The following TPTE variants were observed in gnomAD, a reference collection of about 807,000 sequenced individuals.
TPTE encodes putative tyrosine-protein phosphatase TPTE.
TPTE carries 59 observed loss-of-function variants against 84.1 expected under a neutral mutation model. The ratio of observed to expected loss-of-function variants is 0.70; its 90% CI spans 0.57 to 0.87. TPTE has a LOEUF of 0.87. TPTE is among the 40% of genes least tolerant of loss of function. The pLI is 0.00. For missense variants in TPTE, 382 were observed against 659.6 expected (o/e 0.58, Z 4.61); for synonymous variants, 130 against 223.5 (o/e 0.58, Z 3.73).
intron 4 of TPTE, chr21:10,540,751 G>A (rs761909925): frequency 1.9e-6 from 1 of 520,388 alleles, no homozygotes; most frequent in Admixed American, 1.9e-5. Flanking sequence ...GAAAAGTGAG[G>A]AGGTGATTGG....
chr21:10,559,122 G>T (rs932624796), intron 8 of TPTE, among the ~76,000 whole-genome samples: 1 of 152,304 alleles, frequency 6.6e-6, no homozygotes, highest in African/African-American at 2.4e-5. Flanking sequence ...AAAGTTTGAT[G>T]ATTTGCCCAG....
intron 2 of TPTE, among the ~76,000 whole-genome samples, chr21:10,525,387 C>G (rs1236459240): frequency 6.6e-6 from 1 of 152,304 alleles, no homozygotes; most frequent in Non-Finnish European, 1.5e-5. Context: ...TCATATGGTC[C>G]TATCTCCAGG....
At chr21:10,560,484 G>A (rs1052331774) in intron 9 of TPTE, among the ~76,000 whole-genome samples, 23 of 152,302 alleles carry the variant, frequency 1.5e-4, no homozygotes, top group Admixed American at 7.2e-4. Flanking sequence ...AGGTACTTTA[G>A]AGTTCAAGAC....
chr21:10,576,044 A>C (rs1255748054), intron 14 of TPTE, among the ~76,000 whole-genome samples: 1 of 152,308 alleles, frequency 6.6e-6, no homozygotes. Context: ...AGAGGCAGAA[A>C]TACCATCAGA....
intron 8 of TPTE, among the ~76,000 whole-genome samples, chr21:10,554,091 C>A (rs1263998865): frequency 6.6e-6 from 1 of 152,266 alleles, no homozygotes; most frequent in Admixed American, 6.5e-5. Flanking sequence ...AGATATGAGA[C>A]CATACTTATT....
At chr21:10,555,397 G>C (rs1373807275) in intron 8 of TPTE, among the ~76,000 whole-genome samples, 1 of 152,310 alleles carries the variant, frequency 6.6e-6, no homozygotes, top group Non-Finnish European at 1.5e-5. Flanking sequence ...TAGTAGAGAT[G>C]GAGTTTCACC....
chr21:10,570,920 T>TCGA (rs112948965), intron 14 of TPTE, among the ~76,000 whole-genome samples: 4,978 of 138,942 alleles, frequency 0.036, no homozygotes, highest in East Asian at 0.11. Context: ...TTGGCTACCC[T>TCGA]CGACTGAAAG....
chr21:10,587,922 C>T (rs1333376952), intron 17 of TPTE, among the ~76,000 whole-genome samples: 2 of 152,310 alleles, frequency 1.3e-5, no homozygotes, highest in African/African-American at 4.8e-5. Context: ...CAATCTCGGT[C>T]ACTGCAACCT....
chr21:10,573,550 T>A (rs1403203364), intron 14 of TPTE, among the ~76,000 whole-genome samples: 1 of 152,312 alleles, frequency 6.6e-6, no homozygotes, highest in Non-Finnish European at 1.5e-5. Context: ...TTATTGTATA[T>A]TTTTAAATAG....
chr21:10,561,603 C>A (rs2338980), intron 10 of TPTE, among the ~76,000 whole-genome samples: 16 of 151,986 alleles, frequency 1.1e-4, no homozygotes, highest in South Asian at 4.2e-4. Context: ...GGCAGTACCC[C>A]CCCCATGTCC....
chr21:10,560,180 T>C (rs1462965887), intron 9 of TPTE, among the ~76,000 whole-genome samples: 1 of 152,300 alleles, frequency 6.6e-6, no homozygotes, highest in African/African-American at 2.4e-5. Context: ...GAAAATCAAA[T>C]GTTAAAATTC....
At chr21:10,563,523 A>G (rs563177002) in intron 10 of TPTE, among the ~76,000 whole-genome samples, 1 of 152,420 alleles carries the variant, frequency 6.6e-6, no homozygotes, top group South Asian at 2.1e-4. Context: ...ACTAAGTTGT[A>G]GAGTTTTTAT....
intron 17 of TPTE, 50 bp from the exon 18 acceptor site, chr21:10,590,412 T>C (rs372121788): frequency 6.2e-7 from 1 of 1,611,184 alleles, no homozygotes; most frequent in Non-Finnish European, 8.5e-7. Context: ...TATTTCTGAG[T>C]GTATTTTTAT....
chr21:10,542,860 TC>T (rs1319792988), intron 6 of TPTE, among the ~76,000 whole-genome samples: 4 of 152,300 alleles, frequency 2.6e-5, no homozygotes, highest in Non-Finnish European at 5.9e-5. Flanking sequence ...ATTTGCTTCT[TC>T]CTGTAATGTA....
chr21:10,524,660 A>C lies in TPTE; in HGVS notation c.-130A>C, dbSNP rs2074047704. On this transcript the variant is annotated 5_prime_UTR_variant, in exon 2 of 24. Coordinates refer to ENST00000618007, the MANE Select transcript of TPTE (RefSeq NM_199261.4). ...CACACCCCAGGCTCTTCTGCCCGGC[A>C]GTGGCTCTGGAAGCAGTCTGGTGTA... is the stretch of plus-strand genomic sequence containing the variant. 1 of 152,898 alleles carries C rather than the reference A, an allele frequency of 6.5e-6. No homozygotes were observed. The highest frequency in any genetic ancestry group is 1.5e-5 in the Non-Finnish European group (1 of 68,532). 9.5% of individuals were successfully genotyped at this position (152,898 alleles called of 1,614,324 possible). A position where few individuals can be genotyped will look rare whatever the true frequency, so the allele number is the denominator to read the frequency against.
intron 3 of TPTE, among the ~76,000 whole-genome samples, chr21:10,536,254 G>A (rs1209791200): frequency 3.3e-5 from 5 of 152,412 alleles, no homozygotes; most frequent in South Asian, 2.1e-4. Flanking sequence ...CTCCAGCCTC[G>A]GTGAGAGTGA....
chr21:10,591,559 C>T (rs372701612), intron 18 of TPTE, among the ~76,000 whole-genome samples: 764 of 150,098 alleles, frequency 5.1e-3, no homozygotes, highest in African/African-American at 0.018. Context: ...GTGTGTGTCT[C>T]CTAGGTTTAT....
At chr21:10,550,374 T>A (rs1044620143) in intron 7 of TPTE, among the ~76,000 whole-genome samples, 1 of 152,310 alleles carries the variant, frequency 6.6e-6, no homozygotes, top group African/African-American at 2.4e-5. Context: ...AGACTGATAA[T>A]AAAGGGATGG....
At chr21:10,575,910 G>C (rs1366565715) in intron 14 of TPTE, among the ~76,000 whole-genome samples, 1 of 152,310 alleles carries the variant, frequency 6.6e-6, no homozygotes, top group Non-Finnish European at 1.5e-5. Context: ...AGTCAGAATG[G>C]CTACTATTAA....
Sources: gnomAD v4.1 joint callset for allele counts (sites outside exome capture counted in the v4.1 genomes callset) on GRCh38, gnomAD v4.1.1 for gene constraint, MANE v1.5 for transcripts, NCBI Gene and HGNC (gene_info 2026-07-23, HGNC 2026-07-21) for gene names.